Variants in ERBB4 observed in about 807,000 individuals in gnomAD.
The protein encoded by ERBB4 is receptor tyrosine-protein kinase erbB-4.
A neutral mutation model predicts 158.0 loss-of-function variants in ERBB4; 42 were observed. The ratio of observed to expected loss-of-function variants is 0.27; its 90% CI spans 0.21 to 0.34. ERBB4 has a LOEUF of 0.34. ERBB4 is among the 10% of genes least tolerant of loss of function. The pLI, the probability that ERBB4 is intolerant of heterozygous loss-of-function variation, is 1.00. For missense variants in ERBB4, 1,333 were observed against 1,624.1 expected (o/e 0.82, Z 3.08); for synonymous variants, 583 against 558.7 (o/e 1.04, Z -0.61).
At chr2:211,495,141 A>G (rs1470391008) in intron 20 of ERBB4, among the ~76,000 whole-genome samples, 1 of 152,092 alleles carries the variant, frequency 6.6e-6, no homozygotes, top group Non-Finnish European at 1.5e-5. Flanking sequence ...CATAGAAACT[A>G]CACTTATTGG....
At chr2:212,213,742 C>A (rs1225251727) in intron 1 of ERBB4, among the ~76,000 whole-genome samples, 1 of 151,828 alleles carries the variant, frequency 6.6e-6, no homozygotes, top group Non-Finnish European at 1.5e-5. Flanking sequence ...GGCATAATCA[C>A]CAGGCCCCAA....
intron 20 of ERBB4, among the ~76,000 whole-genome samples, chr2:211,464,454 A>C (rs1356591485): frequency 6.6e-6 from 1 of 152,178 alleles, no homozygotes; most frequent in African/African-American, 2.4e-5. Flanking sequence ...GCAGTACCTA[A>C]ACAAAATTGA....
At chr2:211,390,617 C>T (rs1574395162) in intron 25 of ERBB4, among the ~76,000 whole-genome samples, 1 of 152,326 alleles carries the variant, frequency 6.6e-6, no homozygotes, top group East Asian at 1.9e-4. Flanking sequence ...GCTAGAATGG[C>T]TTCCATTGTA....
chr2:212,267,194 C>T (rs2085167378), intron 1 of ERBB4, among the ~76,000 whole-genome samples: 1 of 151,942 alleles, frequency 6.6e-6, no homozygotes, highest in African/African-American at 2.4e-5. Context: ...TGAAGAGCTG[C>T]TTTGTGAACA....
At chr2:211,462,149 T>C (rs1230580883) in intron 20 of ERBB4, among the ~76,000 whole-genome samples, 1 of 151,862 alleles carries the variant, frequency 6.6e-6, no homozygotes, top group Non-Finnish European at 1.5e-5. Flanking sequence ...AAACTTACAA[T>C]TATGGCGGAA....
chr2:211,512,336 C>T (rs78891469), intron 20 of ERBB4, among the ~76,000 whole-genome samples: 3,075 of 152,058 alleles, frequency 0.02, 107 homozygotes, highest in African/African-American at 0.068. Flanking sequence ...TTCTGGGAGA[C>T]CTTTTGTAAT....
At chr2:212,093,849 T>C (rs1363289531) in intron 2 of ERBB4, among the ~76,000 whole-genome samples, 1 of 152,170 alleles carries the variant, frequency 6.6e-6, no homozygotes, top group East Asian at 1.9e-4. Context: ...AACATAGATA[T>C]TTTAATTCTC....
intron 20 of ERBB4, among the ~76,000 whole-genome samples, chr2:211,556,062 AC>A (rs1332831197): frequency 6.6e-6 from 1 of 152,234 alleles, no homozygotes. Context: ...TGCAATGACA[AC>A]AATAGGCTAA....
At chr2:212,099,336 CT>C (rs1166334688) in intron 2 of ERBB4, among the ~76,000 whole-genome samples, 3 of 151,964 alleles carry the variant, frequency 2.0e-5, no homozygotes, top group African/African-American at 7.2e-5. Flanking sequence ...CCTTATTTTA[CT>C]TACTAAATAG....
chr2:211,768,412 T>C (rs1424290898), intron 4 of ERBB4, among the ~76,000 whole-genome samples: 2 of 152,216 alleles, frequency 1.3e-5, no homozygotes, highest in Non-Finnish European at 2.9e-5. Flanking sequence ...AGTGCCTCAG[T>C]AGGGACTCTG....
At chr2:212,258,773 CTCTTT>C (rs1423263733) in intron 1 of ERBB4, among the ~76,000 whole-genome samples, 1 of 151,734 alleles carries the variant, frequency 6.6e-6, no homozygotes, top group Non-Finnish European at 1.5e-5. Context: ...TTACAAGCAC[CTCTTT>C]TCTTTTTCAG....
intron 19 of ERBB4, among the ~76,000 whole-genome samples, chr2:211,568,782 C>T (rs986124216): frequency 6.6e-6 from 1 of 151,926 alleles, no homozygotes; most frequent in African/African-American, 2.4e-5. Flanking sequence ...AAATGCTGCC[C>T]CTAAAGATAG....
rs560974796 is a variant in ERBB4 at position 212,276,526 on chromosome 2, A to G, written c.83-151623T>C. On this transcript the variant is annotated intron_variant, in intron 1 of 27. Coordinates refer to ENST00000342788, the MANE Select transcript of ERBB4 (RefSeq NM_005235.3). ...TTCCCCATGGAAACCAGTCATTCAC[A>G]AAGGGAAGGAGCAATGAGAAGAAAG... 3.3e-5 allele frequency among the ~76,000 whole-genome samples: 5 copies of G among 151,930 alleles called. No individual in the cohort carries two copies. In the East Asian group the frequency reaches 7.8e-4, roughly 24 times the overall value.
intron 20 of ERBB4, among the ~76,000 whole-genome samples, chr2:211,456,529 G>A (rs1287338185): frequency 6.6e-6 from 1 of 152,076 alleles, no homozygotes; most frequent in African/African-American, 2.4e-5. Context: ...ATTACTCTGA[G>A]CTCAAATTCT....
intron 14 of ERBB4, among the ~76,000 whole-genome samples, chr2:211,666,768 C>T (rs1339774566): frequency 6.6e-6 from 1 of 152,138 alleles, no homozygotes; most frequent in Non-Finnish European, 1.5e-5. Context: ...TCCCCTGACC[C>T]ATTTCTCCCT....
At chr2:211,802,183 C>G (rs1334671450) in intron 3 of ERBB4, among the ~76,000 whole-genome samples, 2 of 151,790 alleles carry the variant, frequency 1.3e-5, no homozygotes, top group African/African-American at 4.8e-5. Context: ...GGCAGAAACT[C>G]GGGAGGCGGA....
intron 19 of ERBB4, among the ~76,000 whole-genome samples, chr2:211,567,076 T>C (rs2067571243): frequency 6.6e-6 from 1 of 152,228 alleles, no homozygotes; most frequent in South Asian, 2.1e-4. Flanking sequence ...AATAATTATT[T>C]GATCCTTATT....
intron 1 of ERBB4, among the ~76,000 whole-genome samples, chr2:212,362,482 C>G (rs1264055938): frequency 6.6e-6 from 1 of 150,500 alleles, no homozygotes; most frequent in Non-Finnish European, 1.5e-5. Context: ...AACGTACTCT[C>G]TAATTGGTAA....
At chr2:212,156,176 C>T (rs1045752400) in intron 1 of ERBB4, among the ~76,000 whole-genome samples, 1 of 152,016 alleles carries the variant, frequency 6.6e-6, no homozygotes, top group Non-Finnish European at 1.5e-5. Context: ...TCAAATAAAC[C>T]TTCCCTGACA....
Sources: allele counts gnomAD v4.1 joint callset (sites outside exome capture counted in the v4.1 genomes callset), GRCh38; gene constraint gnomAD v4.1.1; transcripts MANE v1.5; gene names NCBI Gene and HGNC (gene_info 2026-07-23, HGNC 2026-07-21).